The following RGS12 variants were observed in gnomAD, a reference collection of about 807,000 sequenced individuals.
RGS12 encodes the protein regulator of G-protein signaling 12.
RGS12 carries 66 observed loss-of-function variants against 120.1 expected under a neutral mutation model. The ratio of observed to expected loss-of-function variants is 0.55; its 90% CI spans 0.45 to 0.67. RGS12 has a LOEUF of 0.67. Among genes scored for constraint, RGS12 ranks in the 30% least tolerant of loss-of-function variants. The pLI, the probability that RGS12 is intolerant of heterozygous loss-of-function variation, is 0.00. For missense variants in RGS12, 1,859 were observed against 1,957.7 expected (o/e 0.95, Z 0.95); for synonymous variants, 827 against 804.7 (o/e 1.03, Z -0.47).
chr4:3,357,993 A>AT (rs1444390595), intron 3 of RGS12, among the ~76,000 whole-genome samples: 1 of 152,182 alleles, frequency 6.6e-6, no homozygotes, highest in African/African-American at 2.4e-5. Flanking sequence ...AACATGGGAT[A>AT]TGTTATATTT....
At position 3,425,634 on chromosome 4, in the gene RGS12, T is replaced by TTG. The variant is rs1723537045; in HGVS notation, c.3331+74_3331+75insTG. ...GCAGGGGAGGGGGCTATGGAGCCGG[T>TTG]GCAGGGGAGGGGGTGAGTGGGGCCA... On this transcript the variant is annotated intron_variant, in intron 14 of 17. Coordinates refer to ENST00000336727, the MANE Select transcript of RGS12 (RefSeq NM_001394154.1). 41 of 443,240 alleles carry TTG rather than the reference T, an allele frequency of 9.3e-5. No homozygotes were observed. In the Admixed American group the frequency reaches 1.1e-3, roughly 12 times the overall value. 27.5% of individuals were successfully genotyped at this position (443,240 alleles called of 1,614,324 possible).
chr4:3,307,807 G>A (rs904567616), intron 1 of RGS12, among the ~76,000 whole-genome samples: 2 of 152,236 alleles, frequency 1.3e-5, no homozygotes, highest in Admixed American at 6.5e-5. Flanking sequence ...GTGTTTGGGC[G>A]GGAGACGCGA....
chr4:3,425,616 A>AG, intron 14 of RGS12, 56 bp downstream of exon 14: 1 of 696,834 alleles, frequency 1.4e-6, no homozygotes, highest in Non-Finnish European at 2.0e-6. Flanking sequence ...AGTGCAGGGG[A>AG]GGGGGCTATG....
intron 2 of RGS12, among the ~76,000 whole-genome samples, chr4:3,332,451 A>C (rs981278783): frequency 6.6e-6 from 1 of 152,220 alleles, no homozygotes; most frequent in African/African-American, 2.4e-5. Flanking sequence ...TGCTACATAC[A>C]CAGAGCCACT....
intron 4 of RGS12, among the ~76,000 whole-genome samples, chr4:3,405,663 CACTGACGTGTTTA>C (rs1308218104): frequency 6.6e-6 from 1 of 152,212 alleles, no homozygotes; most frequent in African/African-American, 2.4e-5. Context: ...AGGAAATCTA[CACTGACGTGTTTA>C]GGGGCAAAGA....
chr4:3,325,469 C>A (rs1008181000), intron 2 of RGS12, among the ~76,000 whole-genome samples: 1 of 152,138 alleles, frequency 6.6e-6, no homozygotes, highest in African/African-American at 2.4e-5. Flanking sequence ...TCCATTCATC[C>A]TTGATAGCTT....
At position 3,365,401 on chromosome 4, in the gene RGS12, G is replaced by GGGAGGGA. The variant is rs1213928607; in HGVS notation, c.1999-21005_1999-20999dup. On this transcript the variant is annotated intron_variant, in intron 3 of 17. Transcript: ENST00000336727. This position sits in a 1 kb window ranked among gnomAD's most constrained non-coding sequence, Gnocchi z 4.0. ...AGGAGGGAGGGAGGACAGGTCTTGA[G>GGGAGGGA]GGAGGGAGGAGGGAGGGAGGTGGCA... is the stretch of plus-strand genomic sequence containing the variant. 1.3e-5 allele frequency among the ~76,000 whole-genome samples: 2 copies of GGGAGGGA among 152,088 alleles called. No individual in the cohort carries two copies. Among genetic ancestry groups the GGGAGGGA allele is most frequent in the African/African-American group, 2.4e-5 (1 of 41,488 alleles).
At chr4:3,294,639 G>C (rs544810756) in intron 1 of RGS12, among the ~76,000 whole-genome samples, 14 of 152,342 alleles carry the variant, frequency 9.2e-5, no homozygotes, top group African/African-American at 3.1e-4. Context: ...GGCAAGGGCA[G>C]TGGGGTGGCT....
intron 2 of RGS12, chr4:3,324,432 C>T (rs777270705): frequency 5.3e-5 from 13 of 246,026 alleles, no homozygotes; most frequent in African/African-American, 1.2e-4. Context: ...TCCAGGCCAA[C>T]AGTCTCTGCT....
chr4:3,362,661 C>CAGTGTGGGAG (rs1715755698), intron 3 of RGS12, among the ~76,000 whole-genome samples: 7 of 123,706 alleles, frequency 5.7e-5, no homozygotes, highest in Admixed American at 4.7e-4. Flanking sequence ...CAGTGTGGGA[C>CAGTGTGGGAG]TGAGGCTGAG....
chr4:3,333,562 TC>T (rs1712112537), intron 2 of RGS12, among the ~76,000 whole-genome samples: 1 of 152,250 alleles, frequency 6.6e-6, no homozygotes, highest in Non-Finnish European at 1.5e-5. Flanking sequence ...TTAACTTTTT[TC>T]TCTGTGGGTA....
At position 3,428,173 on chromosome 4, in the gene RGS12, A is replaced by G. The variant is rs747301815; in HGVS notation, c.3411+4A>G. ...CTCCAGAAACCACTCGGCTACGGTA[A>G]TTCCCCACCCTGGCCCACCCTGTGC... On this transcript the variant is annotated splice_donor_region_variant and intron_variant, in intron 15 of 17. Coordinates refer to ENST00000336727, the MANE Select transcript of RGS12 (RefSeq NM_001394154.1). 4.3e-6 allele frequency: 7 copies of G among 1,613,018 alleles called. No homozygotes were observed. The highest frequency in any genetic ancestry group is 1.7e-5 in the Admixed American group (1 of 60,000).
intron 1 of RGS12, among the ~76,000 whole-genome samples, chr4:3,309,396 C>T (rs1473786725): frequency 4.0e-4 from 45 of 112,088 alleles, no homozygotes; most frequent in South Asian, 1.3e-3. Context: ...AGCTGGGACC[C>T]TGGAATGGCA....
chr4:3,302,208 G>A (rs564117127), intron 1 of RGS12, among the ~76,000 whole-genome samples: 76 of 152,306 alleles, frequency 5.0e-4, no homozygotes, highest in African/African-American at 1.7e-3. Context: ...TGTGGCGCAC[G>A]GGGGTATCCT....
At chr4:3,299,570 A>G (rs1451547533) in intron 1 of RGS12, among the ~76,000 whole-genome samples, 1 of 152,152 alleles carries the variant, frequency 6.6e-6, no homozygotes, top group Non-Finnish European at 1.5e-5. Context: ...CAATTTACGG[A>G]CAGAGCTGCC....
At chr4:3,387,438 C>T (rs1266214911) in intron 4 of RGS12, among the ~76,000 whole-genome samples, 1 of 152,186 alleles carries the variant, frequency 6.6e-6, no homozygotes, top group Non-Finnish European at 1.5e-5. Context: ...GCCAGGAGGA[C>T]CCCAGGTGGG....
At position 3,431,051 on chromosome 4, in the gene RGS12, T is replaced by C; in HGVS notation, c.4114+96T>C. 7.3e-6 allele frequency: 11 copies of C among 1,503,300 alleles called. No homozygotes were observed. In the South Asian group the frequency reaches 1.3e-4, roughly 18 times the overall value. 93.1% of individuals were successfully genotyped at this position (1,503,300 alleles called of 1,614,324 possible). ...ACAGTGGGCCCCCGGCTGCCACTGTTTGCTGGTGGTCTCCGTGACCCCCTC... is the reference window on the plus strand; with the variant it reads ...ACAGTGGGCCCCCGGCTGCCACTGTCTGCTGGTGGTCTCCGTGACCCCCTC... On this transcript the variant is annotated intron_variant, in intron 17 of 17. Transcript: ENST00000336727.
At chr4:3,296,090 C>T (rs1723365500) in intron 1 of RGS12, among the ~76,000 whole-genome samples, 1 of 148,916 alleles carries the variant, frequency 6.7e-6, no homozygotes, top group African/African-American at 2.6e-5. Flanking sequence ...TGGAGGAAAA[C>T]TGCCCCCCTG....
intron 16 of RGS12, 125 bp from the exon 17 acceptor site, chr4:3,430,282 T>G: frequency 1.2e-6 from 1 of 836,576 alleles, no homozygotes; most frequent in Non-Finnish European, 1.9e-6. Flanking sequence ...AAAGGGCTCT[T>G]GTTGACCCAC....
Sources: gnomAD v4.1 joint callset for allele counts (sites outside exome capture counted in the v4.1 genomes callset) on GRCh38, gnomAD v4.1.1 for gene constraint, Gnocchi (gnomAD v3.1) non-coding constraint, MANE v1.5 for transcripts, NCBI Gene and HGNC (gene_info 2026-07-23, HGNC 2026-07-21) for gene names.